KIF21A: variants seen among roughly 807,000 people sequenced by gnomAD.
KIF21A encodes kinesin family member 21A, also known as kinesin-like protein KIF21A.
KIF21A carries 114 observed loss-of-function variants against 202.9 expected under a neutral mutation model. The ratio of observed to expected loss-of-function variants is 0.56; its 90% CI spans 0.48 to 0.66. The LOEUF is 0.66. Ranked by LOEUF, KIF21A falls within the 30% of genes least tolerant of loss-of-function variation. The probability of loss-of-function intolerance (pLI) is 0.00; values close to 1 mark genes in which losing one functional copy is unlikely to be tolerated. For synonymous variants in KIF21A, 667 were observed against 670.8 expected, an observed-to-expected ratio of 0.99 and a Z score of 0.09; for missense variants, 1,677 against 1,994.9, an observed-to-expected ratio of 0.84 and a Z score of 3.04.
chr12:39,368,356 G>A (rs1267893097), intron 3 of KIF21A, among the ~76,000 whole-genome samples: 2 of 152,094 alleles, frequency 1.3e-5, no homozygotes, highest in African/African-American at 4.8e-5. Flanking sequence ...TGTGCCAAAT[G>A]TGGACAAATC....
intron 22 of KIF21A, 24 bp from the exon 23 acceptor site, chr12:39,330,935 T>A (rs755100773): frequency 6.2e-7 from 1 of 1,612,480 alleles, no homozygotes; most frequent in South Asian, 1.1e-5. Flanking sequence ...AAAAATTATC[T>A]TAGGTCATAC....
At chr12:39,371,617 A>C (rs1337362056) in intron 1 of KIF21A, among the ~76,000 whole-genome samples, 2 of 152,172 alleles carry the variant, frequency 1.3e-5, no homozygotes, top group African/African-American at 4.8e-5. Flanking sequence ...AAGCAGTTTA[A>C]GGAAGAAAGG....
At chr12:39,396,748 T>C (rs1951788597) in intron 1 of KIF21A, among the ~76,000 whole-genome samples, 1 of 152,170 alleles carries the variant, frequency 6.6e-6, no homozygotes, top group African/African-American at 2.4e-5. Flanking sequence ...TGGGTAGACA[T>C]AGAAATATGT....
intron 1 of KIF21A, among the ~76,000 whole-genome samples, chr12:39,384,015 G>A (rs1950785495): frequency 6.6e-6 from 1 of 152,050 alleles, no homozygotes; most frequent in African/African-American, 2.4e-5. Context: ...GCTGAATTCT[G>A]AGTTTCAAAG....
At chr12:39,364,575 A>G (rs1272650878) in intron 6 of KIF21A, among the ~76,000 whole-genome samples, 2 of 152,176 alleles carry the variant, frequency 1.3e-5, no homozygotes, top group Non-Finnish European at 2.9e-5. Flanking sequence ...TAATTTCCCC[A>G]TAGACGGATC....
Position 39,341,563 on chromosome 12 carries a change from T to TTCC in KIF21A, c.1860_1862dup (p.Glu621dup), listed in dbSNP as rs750450259. The TTCC allele has an allele frequency of 1.9e-5, 30 of 1,604,936 alleles. No individual in the cohort carries two copies. Among genetic ancestry groups the TTCC allele is most frequent in the African/African-American group, 5.3e-5 (4 of 74,794 alleles). Reference sequence around the variant, plus strand: ...AACTTTCACCCCCATCAATGTCATCTTCCTCCTCCTCCTCCTCCTCTTCTT... The same window carrying TTCC: ...AACTTTCACCCCCATCAATGTCATCTTCCTCCTCCTCCTCCTCCTCCTCTTCTT... On this transcript the variant is annotated inframe_insertion, in exon 14 of 38. Coordinates refer to ENST00000361418, the MANE Select transcript of KIF21A (RefSeq NM_001173464.2).
At chr12:39,435,952 G>T (rs1469776650) in intron 1 of KIF21A, among the ~76,000 whole-genome samples, 1 of 151,930 alleles carries the variant, frequency 6.6e-6, no homozygotes, top group East Asian at 1.9e-4. Flanking sequence ...CTCAGTTCTG[G>T]CATTTCTTTA....
chr12:39,412,955 A>T (rs1038540594), intron 1 of KIF21A, among the ~76,000 whole-genome samples: 3 of 152,222 alleles, frequency 2.0e-5, no homozygotes, highest in African/African-American at 4.8e-5. Context: ...TGAAATTTTT[A>T]AAAATCTCAT....
At chr12:39,372,700 G>A (rs76423252) in intron 1 of KIF21A, among the ~76,000 whole-genome samples, 5,388 of 152,184 alleles carry the variant, frequency 0.035, 334 homozygotes, top group African/African-American at 0.12. Context: ...CGTGGTAGTA[G>A]CAGGTTTGGC....
At chr12:39,411,855 T>A (rs1953112352) in intron 1 of KIF21A, among the ~76,000 whole-genome samples, 1 of 151,974 alleles carries the variant, frequency 6.6e-6, no homozygotes, top group Non-Finnish European at 1.5e-5. Context: ...ATTTTTTTTT[T>A]AAACAGTCTC....
At position 39,315,120 on chromosome 12, in the gene KIF21A, T is replaced by A; in HGVS notation, c.3959+109A>T. On this transcript the variant is annotated intron_variant, in intron 31 of 37. Coordinates refer to ENST00000361418, the MANE Select transcript of KIF21A (RefSeq NM_001173464.2). ...AATATGGCAAATTTGTACAACAGACTTGATCTGAAGGAGAGAAAAAAATAA... is the reference window on the plus strand; with the variant it reads ...AATATGGCAAATTTGTACAACAGACATGATCTGAAGGAGAGAAAAAAATAA... 3.9e-6 allele frequency: 4 copies of A among 1,027,682 alleles called. No individual in the cohort carries two copies. In the South Asian group the frequency reaches 5.2e-5, roughly 13 times the overall value. 63.7% of individuals were successfully genotyped at this position (1,027,682 alleles called of 1,614,324 possible).
At chr12:39,334,187 T>A (rs1946745236) in intron 17 of KIF21A, among the ~76,000 whole-genome samples, 1 of 116,062 alleles carries the variant, frequency 8.6e-6, no homozygotes, top group Admixed American at 1.3e-4. Flanking sequence ...GAGGACACAG[T>A]GAGACTCCAT....
At chr12:39,313,935 G>C (rs1944269153) in intron 31 of KIF21A, among the ~76,000 whole-genome samples, 1 of 151,752 alleles carries the variant, frequency 6.6e-6, no homozygotes, top group African/African-American at 2.4e-5. Context: ...ATAAGGAACA[G>C]ATGATGAAAC....
In KIF21A at chr12:39,300,799, C is replaced by T. The variant is rs188928606; in HGVS notation, c.4931+681G>A. Among the ~76,000 whole-genome samples the T allele has an allele frequency of 1.2e-4, 18 of 152,208 alleles. No homozygotes were observed. In the East Asian group the frequency reaches 2.5e-3, roughly 21 times the overall value. On this transcript the variant is annotated intron_variant, in intron 37 of 37. Coordinates refer to ENST00000361418, the MANE Select transcript of KIF21A (RefSeq NM_001173464.2). ...AATGTCACTTTCTCCATGAGGCCTTCGCTGACCACCCTATTTTGTAACCCT... is the reference window on the plus strand; with the variant it reads ...AATGTCACTTTCTCCATGAGGCCTTTGCTGACCACCCTATTTTGTAACCCT...
rs1566266710 is a variant in KIF21A, at chr12:39,416,689, A to ACATATATATGTG, written c.44+26237_44+26238insCACATATATATG. ...TATATATGTACATATATATGTGTGT[A>ACATATATATGTG]TATATATATGTACATATATATGTGT... On this transcript the variant is annotated intron_variant, in intron 1 of 37. Transcript: ENST00000361418. Among the ~76,000 whole-genome samples the ACATATATATGTG allele has an allele frequency of 6.3e-5, 6 of 94,742 alleles. 1 individual carries two copies. Among genetic ancestry groups the ACATATATATGTG allele is most frequent in the Admixed American group, 4.4e-4 (4 of 9,076 alleles). The allele number at this position is 94,742 out of a possible 152,430, so 62.2% of individuals were successfully genotyped here.
At chr12:39,303,218 C>G in intron 35 of KIF21A, 83 bp from the exon 36 acceptor site, 1 of 1,109,438 alleles carries the variant, frequency 9.0e-7, no homozygotes, top group Non-Finnish European at 1.4e-6. Context: ...AACACATACA[C>G]ATGTATGTTA....
At position 39,308,768 on chromosome 12, in the gene KIF21A, T is replaced by C. The variant is rs1592058536; in HGVS notation, c.4277+818A>G. The stretch of plus-strand genomic sequence containing the variant: ...AATTGGTAAATTCTAACATAAGATA[T>C]ATTATATCTTAATACACGATATAAT... On this transcript the variant is annotated intron_variant, in intron 33 of 37. Transcript: ENST00000361418. Among the ~76,000 whole-genome samples, 3 of 152,226 alleles carry C rather than the reference T, an allele frequency of 2.0e-5. No individual in the cohort carries two copies. The South Asian group carries it at 6.2e-4, about 32-fold the overall frequency.
chr12:39,324,924 C>CA (rs1945697907), intron 26 of KIF21A, among the ~76,000 whole-genome samples: 2 of 152,166 alleles, frequency 1.3e-5, no homozygotes, highest in Non-Finnish European at 2.9e-5. Context: ...TCTTTGTTTT[C>CA]AAACATTGTA....
chr12:39,330,736 A>G lies in KIF21A; in HGVS notation c.3319+10T>C, dbSNP rs1309110734. On this transcript the variant is annotated intron_variant, in intron 23 of 37. Coordinates refer to ENST00000361418, the MANE Select transcript of KIF21A (RefSeq NM_001173464.2). ...GCAAATTCATTCAACTAAAATTGAG[A>G]GCAAATTACCTTGTAAAGCATGGCC... The G allele has an allele frequency of 6.2e-7, 1 of 1,613,664 alleles. No homozygotes were observed. The highest frequency in any genetic ancestry group is 1.1e-5 in the South Asian group (1 of 91,080).
Sources: allele counts gnomAD v4.1 joint callset (sites outside exome capture counted in the v4.1 genomes callset), GRCh38; gene constraint gnomAD v4.1.1; transcripts MANE v1.5; gene names NCBI Gene and HGNC (gene_info 2026-07-23, HGNC 2026-07-21).